Variants in IMMP2L observed in about 807,000 individuals in gnomAD.
The protein encoded by IMMP2L is mitochondrial inner membrane protease subunit 2.
Under a neutral mutation model 19.3 loss-of-function variants are expected in IMMP2L, and 18 were observed. The ratio of observed to expected loss-of-function variants is 0.93; its 90% confidence interval spans 0.64 to 1.38. The LOEUF (loss-of-function observed/expected upper bound fraction) is 1.38, where lower values mean the gene tolerates loss of function less well. Among genes scored for constraint, IMMP2L ranks in the 40% most tolerant of loss-of-function variants. The pLI, the probability that IMMP2L is intolerant of heterozygous loss-of-function variation, is 0.00. For missense variants in IMMP2L, 233 were observed against 218.2 expected (o/e 1.07, Z -0.43); for synonymous variants, 76 against 73.0 (o/e 1.04, Z -0.21).
chr7:111,084,467 C>CGGAT (rs367913935), intron 3 of IMMP2L, among the ~76,000 whole-genome samples: 2 of 151,962 alleles, frequency 1.3e-5, no homozygotes, highest in African/African-American at 4.8e-5. Context: ...GATAGATAGA[C>CGGAT]GGATGGATGG....
chr7:111,010,306 C>A (rs1166595800), intron 3 of IMMP2L, among the ~76,000 whole-genome samples: 1 of 152,082 alleles, frequency 6.6e-6, no homozygotes, highest in Non-Finnish European at 1.5e-5. Context: ...AGAGAAGTCA[C>A]AGAGTCTTAC....
At chr7:110,802,808 C>T (rs1393357287) in intron 5 of IMMP2L, among the ~76,000 whole-genome samples, 1 of 152,040 alleles carries the variant, frequency 6.6e-6, no homozygotes, top group Non-Finnish European at 1.5e-5. Context: ...CAAGAAGATA[C>T]ATACGGAAGG....
At chr7:111,406,467 T>C (rs982560832) in intron 3 of IMMP2L, among the ~76,000 whole-genome samples, 3 of 152,100 alleles carry the variant, frequency 2.0e-5, no homozygotes, top group South Asian at 2.1e-4. Context: ...AGAGTGATCA[T>C]GGAATTCCAT....
chr7:110,705,929 G>A lies in IMMP2L; in HGVS notation c.409-42208C>T, dbSNP rs200701159. ...TTATGGCTGCGTAGTATTCCATGGT[G>A]TATATGTACTACATTTTCTTTATCC... On this transcript the variant is annotated intron_variant, in intron 5 of 5. Transcript: ENST00000405709. Among the ~76,000 whole-genome samples, 167 of 152,196 alleles carry A rather than the reference G, an allele frequency of 1.1e-3. 2 individuals are homozygous for A. The highest frequency in any genetic ancestry group is 3.9e-3 in the African/African-American group (161 of 41,518).
Position 111,448,040 on chromosome 7 carries a change from G to C in IMMP2L, c.239+39198C>G, listed in dbSNP as rs1313239602. ...AAATATATATGCACCCAATACAGGAGCACCCAGATTCATAAAGCAAGTCGT... is the reference window on the plus strand; with the variant it reads ...AAATATATATGCACCCAATACAGGACCACCCAGATTCATAAAGCAAGTCGT... On this transcript the variant is annotated intron_variant, in intron 3 of 5. Transcript: ENST00000405709. Among the ~76,000 whole-genome samples the C allele has an allele frequency of 6.4e-4, 93 of 144,916 alleles. 3 individuals carry two copies. Among genetic ancestry groups the C allele is most frequent in the Non-Finnish European group, 9.2e-4 (62 of 67,074 alleles).
intron 5 of IMMP2L, among the ~76,000 whole-genome samples, chr7:110,876,345 T>C (rs1280153264): frequency 1.3e-5 from 2 of 152,104 alleles, no homozygotes. Flanking sequence ...TTGACATGGA[T>C]GCTAAGTGTA....
At chr7:111,328,644 A>G (rs74640194) in intron 3 of IMMP2L, among the ~76,000 whole-genome samples, 1,615 of 152,002 alleles carry the variant, frequency 0.011, 30 homozygotes, top group African/African-American at 0.036. Context: ...TACTGTGTAG[A>G]ATAAATGCTC....
intron 3 of IMMP2L, among the ~76,000 whole-genome samples, chr7:111,298,825 A>C (rs530346829): frequency 4.3e-4 from 66 of 152,058 alleles, no homozygotes; most frequent in African/African-American, 1.5e-3. Flanking sequence ...GGTGATGGAG[A>C]GGAAACTGTA....
Position 110,898,707 on chromosome 7 carries a change from T to C in IMMP2L, c.306-12012A>G, listed in dbSNP as rs545777605. Among the ~76,000 whole-genome samples the C allele has an allele frequency of 7.9e-5, 12 of 151,912 alleles. No homozygotes were observed. The East Asian group carries it at 2.1e-3, about 27-fold the overall frequency. On this transcript the variant is annotated intron_variant, in intron 4 of 5. Transcript: ENST00000405709. ...TGAAAGATTTAAGAGTTGGGGCACA[T>C]ACTGATGGGCTGAGTCTACACTGGC...
At chr7:110,867,021 T>G (rs1426821456) in intron 5 of IMMP2L, among the ~76,000 whole-genome samples, 1 of 152,088 alleles carries the variant, frequency 6.6e-6, no homozygotes, top group African/African-American at 2.4e-5. Context: ...GAAATCTTTT[T>G]TATTCACACC....
intron 3 of IMMP2L, among the ~76,000 whole-genome samples, chr7:111,270,057 C>CTGTGTCTGTGTG (rs141560634): frequency 2.8e-5 from 4 of 140,522 alleles, no homozygotes; most frequent in African/African-American, 1.0e-4. Context: ...GCATGTGTGT[C>CTGTGTCTGTGTG]TGTGTGTGTG....
chr7:110,883,212 T>A (rs947242475), intron 5 of IMMP2L, among the ~76,000 whole-genome samples: 1 of 152,154 alleles, frequency 6.6e-6, no homozygotes, highest in African/African-American at 2.4e-5. Flanking sequence ...CGTGAAAAAT[T>A]TTTTGTACTT....
chr7:111,508,305 C>T (rs550781447), intron 2 of IMMP2L, among the ~76,000 whole-genome samples: 11 of 150,680 alleles, frequency 7.3e-5, no homozygotes, highest in South Asian at 4.2e-4. Context: ...AAAAAGTTTA[C>T]GAAGAAATAA....
intron 3 of IMMP2L, among the ~76,000 whole-genome samples, chr7:111,179,514 C>T (rs1807469978): frequency 6.6e-6 from 1 of 151,982 alleles, no homozygotes; most frequent in Non-Finnish European, 1.5e-5. Context: ...GAAGTGCTGT[C>T]ATCCAGACTC....
At chr7:111,083,308 G>A (rs1796039067) in intron 3 of IMMP2L, among the ~76,000 whole-genome samples, 1 of 152,112 alleles carries the variant, frequency 6.6e-6, no homozygotes, top group African/African-American at 2.4e-5. Context: ...CTGATATAAT[G>A]TTTGCCTTTG....
At chr7:111,189,328 C>G (rs1487630953) in intron 3 of IMMP2L, among the ~76,000 whole-genome samples, 1 of 149,038 alleles carries the variant, frequency 6.7e-6, no homozygotes, top group Non-Finnish European at 1.5e-5. Flanking sequence ...TCAATGATAA[C>G]TATTAAAAGA....
intron 3 of IMMP2L, among the ~76,000 whole-genome samples, chr7:111,160,941 A>G (rs1805190854): frequency 6.6e-6 from 1 of 151,664 alleles, no homozygotes; most frequent in Non-Finnish European, 1.5e-5. Flanking sequence ...ACAGAATTAA[A>G]AGATATAAAA....
chr7:111,274,525 C>T (rs1348092841), intron 3 of IMMP2L, among the ~76,000 whole-genome samples: 3 of 152,090 alleles, frequency 2.0e-5, no homozygotes, highest in Admixed American at 6.6e-5. Flanking sequence ...GATTCATTTA[C>T]AGTAAAATAA....
chr7:111,230,164 C>T (rs1306126661), intron 3 of IMMP2L, among the ~76,000 whole-genome samples: 6 of 151,954 alleles, frequency 3.9e-5, no homozygotes, highest in African/African-American at 9.7e-5. Flanking sequence ...AAAAGAAATG[C>T]GTGCCTAGGG....
Sources: allele counts gnomAD v4.1 joint callset (sites outside exome capture counted in the v4.1 genomes callset), GRCh38; gene constraint gnomAD v4.1.1; transcripts MANE v1.5; gene names NCBI Gene and HGNC (gene_info 2026-07-23, HGNC 2026-07-21).